RARB: variants seen among roughly 807,000 people sequenced by gnomAD.
The protein encoded by RARB is HBV-activated protein.
RARB carries 17 observed loss-of-function variants against 51.9 expected under a neutral mutation model. That is an observed-to-expected ratio of 0.33 (90% confidence interval 0.22 to 0.49). The LOEUF (loss-of-function observed/expected upper bound fraction) is 0.49, where lower values mean the gene tolerates loss of function less well. Ranked by LOEUF, RARB falls within the 20% of genes least tolerant of loss-of-function variation. RARB has a pLI of 0.99. For synonymous variants in RARB, 215 were observed against 195.4 expected, an observed-to-expected ratio of 1.10 and a Z score of -0.84; for missense variants, 369 against 550.8, an observed-to-expected ratio of 0.67 and a Z score of 3.30.
rs113662374 is a variant in RARB, at chr3:25,484,835, AT to A, written c.307-16337del. On this transcript the variant is annotated intron_variant, in intron 2 of 7. Coordinates refer to ENST00000330688, the MANE Select transcript of RARB (RefSeq NM_000965.5). ...GTTTACAAAATGGAAGCTTTAACCT[AT>A]TTTTTTTTTAACCTCCATTGTCATA... Among the ~76,000 whole-genome samples the A allele has an allele frequency of 3.5e-3, 520 of 148,320 alleles. 2 individuals are homozygous for A. Among genetic ancestry groups the A allele is most frequent in the African/African-American group, 0.012 (470 of 40,688 alleles).
At chr3:25,242,260 G>T (rs1702450297) in intron 5 of RARB, among the ~76,000 whole-genome samples, 1 of 152,052 alleles carries the variant, frequency 6.6e-6, no homozygotes, top group African/African-American at 2.4e-5. Flanking sequence ...TAGGTTGCCT[G>T]TTCACTCTGA....
chr3:25,502,933 T>C (rs1200230883), intron 3 of RARB, among the ~76,000 whole-genome samples: 1 of 152,246 alleles, frequency 6.6e-6, no homozygotes, highest in Non-Finnish European at 1.5e-5. Flanking sequence ...TTTTGTTATA[T>C]CTGCCAAGAA....
chr3:25,038,765 A>G (rs1698055432), intron 2 of RARB, among the ~76,000 whole-genome samples: 1 of 152,326 alleles, frequency 6.6e-6, no homozygotes, highest in African/African-American at 2.4e-5. Context: ...TAGAAAAAGC[A>G]TGAAGAGTGA....
At chr3:25,564,237 A>T (rs528801199) in intron 3 of RARB, among the ~76,000 whole-genome samples, 55 of 152,320 alleles carry the variant, frequency 3.6e-4, no homozygotes, top group African/African-American at 1.3e-3. Flanking sequence ...CTTTTATTAC[A>T]TTCATTTCAT....
At chr3:25,093,196 T>G (rs1699230791) in intron 3 of RARB, among the ~76,000 whole-genome samples, 1 of 152,184 alleles carries the variant, frequency 6.6e-6, no homozygotes, top group Non-Finnish European at 1.5e-5. Flanking sequence ...TATTTTTTGT[T>G]CAATGATCCA....
intron 2 of RARB, among the ~76,000 whole-genome samples, chr3:24,912,650 TTAAA>T (rs1695014473): frequency 1.3e-5 from 2 of 152,142 alleles, no homozygotes; most frequent in African/African-American, 4.8e-5. Flanking sequence ...CTGGGAGGAT[TTAAA>T]TAGAAGAAGC....
At chr3:25,217,368 CATA>C (rs1408307822) in intron 5 of RARB, among the ~76,000 whole-genome samples, 2 of 152,044 alleles carry the variant, frequency 1.3e-5, no homozygotes, top group African/African-American at 4.8e-5. Flanking sequence ...TTCAATCTAT[CATA>C]ATTGTTACAA....
intron 5 of RARB, among the ~76,000 whole-genome samples, chr3:25,402,593 A>G (rs1001306781): frequency 4.6e-5 from 7 of 152,256 alleles, no homozygotes; most frequent in African/African-American, 1.7e-4. Context: ...AAAATGTGAT[A>G]CATATACACA....
intron 5 of RARB, among the ~76,000 whole-genome samples, chr3:25,190,253 T>G (rs1701067875): frequency 6.6e-6 from 1 of 152,074 alleles, no homozygotes; most frequent in African/African-American, 2.4e-5. Flanking sequence ...GAACAGTCAA[T>G]GAGTGTACTC....
chr3:25,581,520 C>T (rs1001060670), intron 5 of RARB, among the ~76,000 whole-genome samples: 7 of 152,132 alleles, frequency 4.6e-5, no homozygotes, highest in African/African-American at 9.7e-5. Context: ...GAAGCAGTAG[C>T]GTGAGCAGGG....
intron 3 of RARB, among the ~76,000 whole-genome samples, chr3:25,104,392 G>T (rs1699459410): frequency 6.6e-6 from 1 of 152,172 alleles, no homozygotes; most frequent in South Asian, 2.1e-4. Context: ...GAAGGCCGGG[G>T]ATGGGGGTGG....
intron 5 of RARB, among the ~76,000 whole-genome samples, chr3:25,204,354 T>C (rs1217872929): frequency 2.0e-5 from 3 of 152,242 alleles, no homozygotes; most frequent in East Asian, 3.8e-4. Context: ...TTTTAACTTC[T>C]TTGCCACGAG....
At chr3:24,860,133 C>T (rs960299345) in intron 2 of RARB, among the ~76,000 whole-genome samples, 4 of 151,972 alleles carry the variant, frequency 2.6e-5, no homozygotes, top group African/African-American at 9.7e-5. Context: ...CCAAAATGAA[C>T]GGGGCCCATG....
chr3:24,883,356 T>TTGTGTGTG (rs3057218), intron 2 of RARB, among the ~76,000 whole-genome samples: 36,297 of 143,462 alleles, frequency 0.25, 5,357 homozygotes, highest in Non-Finnish European at 0.34. Context: ...TCAACAATCA[T>TTGTGTGTG]TGTGTGTGTG....
intron 5 of RARB, among the ~76,000 whole-genome samples, chr3:25,179,078 A>G (rs1191730568): frequency 6.6e-6 from 1 of 152,224 alleles, no homozygotes; most frequent in Non-Finnish European, 1.5e-5. Context: ...TCTCCTGTCA[A>G]AATCACAAAA....
intron 1 of RARB, among the ~76,000 whole-genome samples, chr3:25,436,698 G>C (rs1708449677): frequency 6.6e-6 from 1 of 152,200 alleles, no homozygotes; most frequent in Admixed American, 6.5e-5. Context: ...CAGAAGTTGT[G>C]AATACTCTTC....
chr3:25,494,902 G>A (rs1042313341), intron 2 of RARB, among the ~76,000 whole-genome samples: 3 of 152,162 alleles, frequency 2.0e-5, no homozygotes, highest in Non-Finnish European at 2.9e-5. Flanking sequence ...TTCACTGGAC[G>A]CCTGCTATGT....
chr3:24,896,966 A>G (rs1050816579), intron 2 of RARB, among the ~76,000 whole-genome samples: 1 of 152,244 alleles, frequency 6.6e-6, no homozygotes, highest in African/African-American at 2.4e-5. Context: ...GGAAAACAAC[A>G]CATCTTGATT....
chr3:25,210,792 C>T (rs1701677881), intron 5 of RARB, among the ~76,000 whole-genome samples: 1 of 151,972 alleles, frequency 6.6e-6, no homozygotes, highest in Non-Finnish European at 1.5e-5. Flanking sequence ...ACCTCAGCTT[C>T]CCAAAGTGCT....
Sources: gnomAD v4.1 joint callset for allele counts (sites outside exome capture counted in the v4.1 genomes callset) on GRCh38, gnomAD v4.1.1 for gene constraint, MANE v1.5 for transcripts, NCBI Gene and HGNC (gene_info 2026-07-23, HGNC 2026-07-21) for gene names.